IRAG2: variants seen among roughly 807,000 people sequenced by gnomAD.
IRAG2 encodes the protein lymphoid restricted membrane protein.
In IRAG2, 45 loss-of-function variants were observed where a neutral mutation model predicts 69.9. That is an observed-to-expected ratio of 0.64 (90% CI 0.51 to 0.83). IRAG2 has a LOEUF of 0.83. Among genes scored for constraint, IRAG2 ranks in the 40% least tolerant of loss-of-function variants. The probability of loss-of-function intolerance (pLI) is 0.00; values close to 1 mark genes in which losing one functional copy is unlikely to be tolerated. For missense variants in IRAG2, 520 were observed against 587.0 expected, an observed-to-expected ratio of 0.89 and a Z score of 1.18; for synonymous variants, 193 against 202.4, an observed-to-expected ratio of 0.95 and a Z score of 0.40.
chr12:25,025,478 G>A (rs753908833), intron 8 of IRAG2, among the ~76,000 whole-genome samples: 22 of 152,254 alleles, frequency 1.4e-4, no homozygotes, highest in East Asian at 5.8e-4. Flanking sequence ...GCTTACACAC[G>A]CATCCTAAGG....
chr12:25,068,056 G>A (rs1484859046), intron 5 of IRAG2, among the ~76,000 whole-genome samples: 1 of 152,106 alleles, frequency 6.6e-6, no homozygotes, highest in African/African-American at 2.4e-5. Flanking sequence ...TGCCAGGCTG[G>A]TCTTGAACTC....
At chr12:25,082,887 T>G (rs747153510) in intron 9 of IRAG2, among the ~76,000 whole-genome samples, 3 of 152,162 alleles carry the variant, frequency 2.0e-5, no homozygotes, top group Non-Finnish European at 4.4e-5. Context: ...TCAGTACAAA[T>G]AAAGTACATA....
intron 2 of IRAG2, chr12:25,006,415 AT>A (rs1944430516): frequency 6.6e-6 from 1 of 152,250 alleles, no homozygotes; most frequent in South Asian, 2.1e-4. Context: ...TGAAAGACAT[AT>A]GCACTTATAT....
rs780333558 is a variant in IRAG2, at chr12:25,079,255, T to C, written c.36T>C (p.Val12=). Residue 12 remains valine, a synonymous_variant, in exon 7 of 22, where the codon GTT becomes GTC. Coordinates refer to ENST00000556887, the MANE Select transcript of IRAG2 (RefSeq NM_001366544.2). ...TCTTTTTCCTTAAGGAGAATGGTGTTGAACGCGTGTGTCCTGAGAGCCTGC... is the reference window on the plus strand; with the variant it reads ...TCTTTTTCCTTAAGGAGAATGGTGTCGAACGCGTGTGTCCTGAGAGCCTGC... ...NDDPSMEENG[V]ERVCPESLLQ... 1.1e-5 allele frequency: 17 copies of C among 1,614,008 alleles called. No homozygotes were observed. The East Asian group carries it at 3.8e-4, about 36-fold the overall frequency.
chr12:25,059,430 C>A (rs1459558033), intron 1 of IRAG2, among the ~76,000 whole-genome samples: 1 of 152,152 alleles, frequency 6.6e-6, no homozygotes, highest in African/African-American at 2.4e-5. Context: ...CGGCTCACTG[C>A]AACCTCCGCC....
intron 3 of IRAG2, chr12:25,011,631 T>C: frequency 3.2e-6 from 3 of 936,006 alleles, no homozygotes; most frequent in Non-Finnish European, 4.2e-6. Flanking sequence ...CTGTTTCCTG[T>C]GTTGATGGAA....
chr12:25,062,395 GC>G (rs1046553870), intron 2 of IRAG2, among the ~76,000 whole-genome samples: 2 of 152,114 alleles, frequency 1.3e-5, no homozygotes, highest in Non-Finnish European at 2.9e-5. Context: ...ATCTAAAGAT[GC>G]TTTAATCATC....
At chr12:25,058,993 C>A (rs1429207210) in intron 1 of IRAG2, among the ~76,000 whole-genome samples, 1 of 152,176 alleles carries the variant, frequency 6.6e-6, no homozygotes, top group Non-Finnish European at 1.5e-5. Flanking sequence ...TGAAATAAGG[C>A]TTTCAATTTG....
intron 16 of IRAG2, among the ~76,000 whole-genome samples, chr12:25,039,996 G>C (rs1010171254): frequency 1.3e-5 from 2 of 152,190 alleles, no homozygotes; most frequent in African/African-American, 4.8e-5. Flanking sequence ...AGTTCTGTCT[G>C]ACTTCAGAAC....
chr12:25,091,776 TTC>T (rs1948080388), intron 14 of IRAG2, among the ~76,000 whole-genome samples: 1 of 152,188 alleles, frequency 6.6e-6, no homozygotes, highest in South Asian at 2.1e-4. Flanking sequence ...ACTTGTTATT[TTC>T]TGTTTGATTT....
In IRAG2 at chr12:25,108,271, T is replaced by C; in HGVS notation, c.*211T>C. The C allele has an allele frequency of 1.7e-6, 1 of 576,224 alleles. No homozygotes were observed. Among genetic ancestry groups the C allele is most frequent in the Non-Finnish European group, 2.9e-6 (1 of 339,282 alleles). 35.7% of individuals were successfully genotyped at this position (576,224 alleles called of 1,614,324 possible). A position where few individuals can be genotyped will look rare whatever the true frequency, so the allele number is the denominator to read the frequency against. ...GCCTATGATCTTTGAATGAGCTTTT[T>C]AAGGAAGAAATATTATATATTGTTT... On this transcript the variant is annotated 3_prime_UTR_variant, in exon 22 of 22. Transcript: ENST00000556887.
At chr12:25,032,287 T>C (rs897705482) in intron 11 of IRAG2, 1 of 399,076 alleles carries the variant, frequency 2.5e-6, no homozygotes, top group Non-Finnish European at 4.4e-6. Context: ...TACAGCCTAA[T>C]GTTGTGTGCG....
exon 1 of IRAG2, chr12:25,004,625 G>A: frequency 8.1e-7 from 1 of 1,231,988 alleles, no homozygotes; most frequent in Non-Finnish European, 1.0e-6. Context: ...ATATCTCCAA[G>A]AACCCCATCC....
chr12:25,088,380 C>G (rs181514981), intron 11 of IRAG2, among the ~76,000 whole-genome samples: 5 of 152,334 alleles, frequency 3.3e-5, no homozygotes, highest in Admixed American at 1.3e-4. Flanking sequence ...AACTGGTGCT[C>G]TATTGTGAAC....
At chr12:25,101,007 G>A in intron 15 of IRAG2, 171 bp from the exon 16 acceptor site, 1 of 491,572 alleles carries the variant, frequency 2.0e-6, no homozygotes, top group South Asian at 3.4e-5. Context: ...AAGTCTTGTT[G>A]TCATATTCTC....
chr12:25,102,035 A>G (rs1948782186), intron 16 of IRAG2, 163 bp from the exon 17 acceptor site: 3 of 701,986 alleles, frequency 4.3e-6, no homozygotes, highest in Non-Finnish European at 7.8e-6. Context: ...GGTAATTGTT[A>G]TGAAGAATGA....
chr12:25,004,926 A>G, intron 1 of IRAG2: 1 of 1,223,958 alleles, frequency 8.2e-7, no homozygotes, highest in Non-Finnish European at 1.0e-6. Context: ...GTAAATATTC[A>G]TCTTTTAATG....
intron 15 of IRAG2, among the ~76,000 whole-genome samples, chr12:25,098,381 A>G (rs1948549052): frequency 6.6e-6 from 1 of 152,346 alleles, no homozygotes; most frequent in Non-Finnish European, 1.5e-5. Flanking sequence ...AAACACAGGT[A>G]ATGACTGCTT....
chr12:25,003,700 G>A (rs534826084), upstream of IRAG2, among the ~76,000 whole-genome samples: 1 of 152,080 alleles, frequency 6.6e-6, no homozygotes, highest in African/African-American at 2.4e-5. Flanking sequence ...AAATTACTTG[G>A]CCTCTTTGAT....
Sources: gnomAD v4.1 joint callset for allele counts (sites outside exome capture counted in the v4.1 genomes callset) on GRCh38, gnomAD v4.1.1 for gene constraint, MANE v1.5 for transcripts, NCBI Gene and HGNC (gene_info 2026-07-23, HGNC 2026-07-21) for gene names.